The following NPEPL1 variants were observed in gnomAD, a reference collection of about 807,000 sequenced individuals.
NPEPL1 encodes the protein probable aminopeptidase NPEPL1.
NPEPL1 carries 45 observed loss-of-function variants against 52.4 expected under a neutral mutation model. The observed-to-expected ratio is 0.86, with a 90% CI of 0.68 to 1.10. NPEPL1 has a LOEUF of 1.10. Among genes scored for constraint, NPEPL1 ranks in the 50% least tolerant of loss-of-function variants. The pLI, the probability that NPEPL1 is intolerant of heterozygous loss-of-function variation, is 0.00. For synonymous variants in NPEPL1, 360 were observed against 314.7 expected, an observed-to-expected ratio of 1.14 and a Z score of -1.52; for missense variants, 696 against 710.9, an observed-to-expected ratio of 0.98 and a Z score of 0.24.
chr20:58,713,537 G>C lies in NPEPL1; in HGVS notation c.1119G>C (p.Gly373=). ...DIILDMATLT[G]AQGIATGKYH... ...TCCTGGACATGGCCACCCTGACCGGGGCTCAGGTGAGTGCTCCCTGGATCC... is the reference window on the plus strand; with the variant it reads ...TCCTGGACATGGCCACCCTGACCGGCGCTCAGGTGAGTGCTCCCTGGATCC... The change falls in exon 9 of 12, where the codon GGG becomes GGC. Residue 373 remains glycine (G), a synonymous_variant. Transcript: ENST00000356091. This position sits in a 1 kb window ranked among gnomAD's most constrained non-coding sequence, Gnocchi z 4.6. 6.2e-7 allele frequency: 1 copy of C among 1,604,266 alleles called. No homozygotes were observed. Among genetic ancestry groups the C allele is most frequent in the Non-Finnish European group, 8.5e-7 (1 of 1,174,476 alleles).
chr20:58,714,554 C>T lies in NPEPL1; in HGVS notation c.1303-6C>T, dbSNP rs1329593276. ...CACAGGCACTGTGTCCTCCTGGCCT[C>T]CCTAGGACCGAGACAACAGCCCCAG... On this transcript the variant is annotated splice_polypyrimidine_tract_variant and splice_region_variant and intron_variant, in intron 10 of 11. Coordinates refer to ENST00000356091, the MANE Select transcript of NPEPL1 (RefSeq NM_024663.4). 4.5e-6 allele frequency: 7 copies of T among 1,570,780 alleles called. No individual in the cohort carries two copies. The South Asian group carries it at 4.7e-5, about 10-fold the overall frequency.
upstream of NPEPL1, chr20:58,692,113 G>T: frequency 2.2e-6 from 1 of 451,200 alleles, no homozygotes; most frequent in Non-Finnish European, 4.0e-6. This position sits in a 1 kb window ranked among gnomAD's most constrained non-coding sequence, Gnocchi z 5.7. Context: ...TCTTGCAAAG[G>T]GGTGGGCGGG....
intron 6 of NPEPL1, 136 bp from the exon 7 acceptor site, chr20:58,706,987 T>TA: frequency 1.2e-6 from 1 of 847,916 alleles, no homozygotes; most frequent in South Asian, 1.5e-5. Flanking sequence ...CCAGGAGGCC[T>TA]GGTGTGGGGG....
At chr20:58,703,989 A>T in intron 6 of NPEPL1, 1 of 985,360 alleles carries the variant, frequency 1.0e-6, no homozygotes, top group Non-Finnish European at 1.2e-6. Context: ...TTTTTATTTT[A>T]AACCAGCCCA....
At chr20:58,712,673 G>A (rs749682077) in intron 8 of NPEPL1, 94 bp downstream of exon 8, 17 of 932,256 alleles carry the variant, frequency 1.8e-5, no homozygotes, top group African/African-American at 1.6e-4. Flanking sequence ...ATATCGGGAG[G>A]GCACTCAGCG....
intron 7 of NPEPL1, among the ~76,000 whole-genome samples, chr20:58,709,798 A>ACC (rs1568858823): frequency 6.6e-6 from 1 of 152,230 alleles, no homozygotes; most frequent in East Asian, 1.9e-4. Flanking sequence ...CCAAGGCCAC[A>ACC]AAAGACAAAG....
rs556949022 is a variant in NPEPL1 at position 58,701,013 on chromosome 20, T to C, written c.680-3T>C. On this transcript the variant is annotated splice_polypyrimidine_tract_variant and splice_region_variant and intron_variant, in intron 5 of 11. Coordinates refer to ENST00000356091, the MANE Select transcript of NPEPL1 (RefSeq NM_024663.4). ...AACCCAGTTCTCCCCACGCTTTCCA[T>C]AGGAATCTATGGGGTTGGCAAAGCC... 1.9e-5 allele frequency: 30 copies of C among 1,575,536 alleles called. No individual in the cohort carries two copies. The African/African-American group carries it at 3.5e-4, about 19-fold the overall frequency.
intron 3 of NPEPL1, among the ~76,000 whole-genome samples, chr20:58,695,143 TGTGTGGTGTGCATGTGTGGTGTGTGC>T (rs2084451413): frequency 9.0e-6 from 1 of 111,432 alleles, no homozygotes; most frequent in Admixed American, 9.2e-5. Flanking sequence ...GTGGTGTGTG[TGTGTGGTGTGCATGTGTGGTGTGTGC>T]ATGTGTGGTG....
intron 6 of NPEPL1, chr20:58,704,423 A>G (rs1247116604): frequency 1.8e-5 from 17 of 954,044 alleles, no homozygotes; most frequent in Admixed American, 1.2e-4. Flanking sequence ...GGCTTTTTGT[A>G]TAACAATGTC....
intron 4 of NPEPL1, 125 bp from the exon 5 acceptor site, chr20:58,699,072 T>G (rs1436255401): frequency 1.1e-5 from 10 of 887,010 alleles, no homozygotes; most frequent in Admixed American, 2.0e-5. Context: ...CGAAGCTGGC[T>G]CCCAAGCCCG....
In NPEPL1 at chr20:58,699,261, A is replaced by C. The variant is rs1265678353; in HGVS notation, c.662A>C (p.Lys221Thr). The part of the protein sequence containing the change: ...IPTIIRDEEL[K>T]TRGFGGIYGV... ...ACCATCATCCGGGATGAGGAACTGA[A>C]GACGAGAGGATTTGGAGGTGGGTGG... The change falls in exon 5 of 12, where the codon AAG becomes ACG. Residue 221 changes from lysine to threonine, a missense_variant. Coordinates refer to ENST00000356091, the MANE Select transcript of NPEPL1 (RefSeq NM_024663.4). The C allele has an allele frequency of 1.9e-6, 3 of 1,607,020 alleles. No homozygotes were observed. The highest frequency in any genetic ancestry group is 1.7e-6 in the Non-Finnish European group (2 of 1,176,736).
intron 6 of NPEPL1, chr20:58,704,386 G>A (rs564683790): frequency 2.4e-5 from 24 of 985,200 alleles, no homozygotes; most frequent in Admixed American, 1.2e-4. Flanking sequence ...ACCCCTTTAC[G>A]CTCTTAACAA....
Position 58,712,586 on chromosome 20 carries a change from C to T in NPEPL1, c.1001+7C>T, listed in dbSNP as rs1272842079. 3 of 1,593,590 alleles carry T rather than the reference C, an allele frequency of 1.9e-6. No homozygotes were observed. The highest frequency in any genetic ancestry group is 2.6e-6 in the Non-Finnish European group (3 of 1,161,504). On this transcript the variant is annotated splice_region_variant and intron_variant, in intron 8 of 11. Coordinates refer to ENST00000356091, the MANE Select transcript of NPEPL1 (RefSeq NM_024663.4). Reference sequence around the variant, plus strand: ...ACCTGCTGTACTCAGGGAAGTACGTCTGGCCCTCCCACTCCTTCCTGCCCA... The same window carrying T: ...ACCTGCTGTACTCAGGGAAGTACGTTTGGCCCTCCCACTCCTTCCTGCCCA...
Position 58,701,051 on chromosome 20 carries a change from C to G in NPEPL1, c.715C>G (p.Pro239Ala). 3 of 1,595,984 alleles carry G rather than the reference C, an allele frequency of 1.9e-6. No individual in the cohort carries two copies. The highest frequency in any genetic ancestry group is 2.6e-6 in the Non-Finnish European group (3 of 1,172,254). Residue 239 changes from proline to alanine, a missense_variant, in exon 6 of 12, where the codon CCA becomes GCA. Physicochemically the swap from Pro to Ala is conservative, Grantham distance 27. Transcript: ENST00000356091. ...GGTTGGCAAAGCCGCCCTGCATCCC[C>G]CAGCCCTGGCCGTCCTCAGCCACAC... The part of the protein sequence containing the change: ...YGVGKAALHP[P>A]ALAVLSHTPD...
chr20:58,715,359 T>A lies in NPEPL1; in HGVS notation c.*33T>A. 2 of 1,572,572 alleles carry A rather than the reference T, an allele frequency of 1.3e-6. No individual in the cohort carries two copies. The highest frequency in any genetic ancestry group is 1.7e-6 in the Non-Finnish European group (2 of 1,159,096). On this transcript the variant is annotated 3_prime_UTR_variant, in exon 12 of 12. Transcript: ENST00000356091. ...GCCTCGGCCCTGACAAACGGGGATC[T>A]TTTACCTCACTTTGCACTGATTAAT...
rs545252226 is a variant in NPEPL1 at position 58,702,551 on chromosome 20, A to G, written c.822+1393A>G. 3.3e-5 allele frequency among the ~76,000 whole-genome samples: 5 copies of G among 152,242 alleles called. No individual in the cohort carries two copies. The East Asian group carries it at 7.8e-4, about 24-fold the overall frequency. On this transcript the variant is annotated intron_variant, in intron 6 of 11. Transcript: ENST00000356091. ...AGGGTTTTTTGTTTTTTTTTAATAG[A>G]AAAAACATGCCTCCCTATGGGTCTC...
At chr20:58,707,278 C>A in intron 7 of NPEPL1, 78 bp downstream of exon 7, 3 of 1,270,782 alleles carry the variant, frequency 2.4e-6, no homozygotes, top group Non-Finnish European at 2.2e-6. Flanking sequence ...CTGTCCGTCC[C>A]GCCACAGGCC....
At chr20:58,704,087 C>T (rs2084690081) in intron 6 of NPEPL1, 5 of 985,362 alleles carry the variant, frequency 5.1e-6, no homozygotes, top group Non-Finnish European at 6.0e-6. Context: ...GGAGTGGGCG[C>T]TGAGGCTCCA....
intron 5 of NPEPL1, 40 bp from the exon 6 acceptor site, chr20:58,700,976 C>T: frequency 1.4e-6 from 2 of 1,458,616 alleles, no homozygotes; most frequent in Non-Finnish European, 1.8e-6. Flanking sequence ...CCGCTCAGCT[C>T]AGCCCGAGCC....
Sources: gnomAD v4.1 joint callset for allele counts (sites outside exome capture counted in the v4.1 genomes callset) on GRCh38, gnomAD v4.1.1 for gene constraint, Gnocchi (gnomAD v3.1) non-coding constraint, MANE v1.5 for transcripts, NCBI Gene and HGNC (gene_info 2026-07-23, HGNC 2026-07-21) for gene names.